The following AKAP8 variants were observed in gnomAD, a reference collection of about 807,000 sequenced individuals.
AKAP8 encodes A-kinase anchoring protein 8, also known as A-kinase anchor protein 8.
In AKAP8, 24 loss-of-function variants were observed where a neutral mutation model predicts 67.5. The observed-to-expected ratio is 0.36, with a 90% confidence interval of 0.26 to 0.50. The LOEUF (loss-of-function observed/expected upper bound fraction) is 0.50, where lower values mean the gene tolerates loss of function less well. AKAP8 is among the 20% of genes least tolerant of loss of function. The probability of loss-of-function intolerance (pLI) is 0.97; values close to 1 mark genes in which losing one functional copy is unlikely to be tolerated. For synonymous variants in AKAP8, 400 were observed against 371.1 expected, an observed-to-expected ratio of 1.08 and a Z score of -0.90; for missense variants, 971 against 955.9, an observed-to-expected ratio of 1.02 and a Z score of -0.21.
chr19:15,377,394 C>T (rs1967271428), intron 1 of AKAP8, among the ~76,000 whole-genome samples: 1 of 152,236 alleles, frequency 6.6e-6, no homozygotes, highest in Non-Finnish European at 1.5e-5. Flanking sequence ...AGAGTGCCAT[C>T]ACAAGTACTT....
In AKAP8 at chr19:15,362,146, G is replaced by A. The variant is rs750125258; in HGVS notation, c.1266C>T (p.Ser422=). ...CCACGGTCTTGTCGGGCAGCTTGGT[G>A]CTTATGAACCGCAGGGTCTCTTTGT... ...KFHKETLRFI[S]TKLPDKTVEF... Residue 422 remains serine, a synonymous_variant, in exon 10 of 14, where the codon AGC becomes AGT. Transcript: ENST00000269701. 6.2e-7 allele frequency: 1 copy of A among 1,614,104 alleles called. No homozygotes were observed. Among genetic ancestry groups the A allele is most frequent in the South Asian group, 1.1e-5 (1 of 91,078 alleles).
intron 5 of AKAP8, 49 bp from the exon 6 acceptor site, chr19:15,372,396 A>G (rs1254328749): frequency 2.5e-6 from 4 of 1,600,338 alleles, no homozygotes; most frequent in Non-Finnish European, 3.4e-6. Flanking sequence ...GGCCATGAAG[A>G]TGCCCCACAG....
intron 9 of AKAP8, among the ~76,000 whole-genome samples, chr19:15,365,750 C>T (rs367639033): frequency 4.6e-5 from 7 of 152,102 alleles, no homozygotes; most frequent in Non-Finnish European, 8.8e-5. Flanking sequence ...TGGCCAGGCG[C>T]GGTGGTTCAT....
intron 12 of AKAP8, among the ~76,000 whole-genome samples, chr19:15,359,811 T>C (rs1966936251): frequency 6.6e-6 from 1 of 152,024 alleles, no homozygotes; most frequent in Non-Finnish European, 1.5e-5. Flanking sequence ...AATGGTCCCT[T>C]GTTTGTATAC....
chr19:15,373,804 C>A lies in AKAP8; in HGVS notation c.353G>T (p.Gly118Val). ...TAATCACCTCTCCCGGTCCTGTATG[C>A]CCTCCCCACCGCCGCCGCTCCCGCC... ...GRGGSGGGGE[G>V]IQDRESSFRF... is the part of the protein sequence containing the mutation. Residue 118 changes from glycine to valine, a missense_variant, in exon 4 of 14, where the codon GGC (glycine) becomes GTC (valine). Physicochemically the swap from Gly to Val is moderately radical, Grantham distance 109. This residue lies in a region of AKAP8 where 763 missense variants were observed against 745.4 expected (regional missense o/e 1.02). Transcript: ENST00000269701. 1.2e-6 allele frequency: 2 copies of A among 1,609,730 alleles called. No individual in the cohort carries two copies. Among genetic ancestry groups the A allele is most frequent in the East Asian group, 2.2e-5 (1 of 44,862 alleles).
chr19:15,377,994 A>G (rs1487453346), intron 1 of AKAP8, among the ~76,000 whole-genome samples: 2 of 152,092 alleles, frequency 1.3e-5, no homozygotes, highest in East Asian at 3.9e-4. Context: ...ATGCCTGTTA[A>G]ATGACTTCAC....
chr19:15,369,197 C>T lies in AKAP8; in HGVS notation c.1073-875G>A. On this transcript the variant is annotated intron_variant, in intron 8 of 13. Coordinates refer to ENST00000269701, the MANE Select transcript of AKAP8 (RefSeq NM_005858.4). The surrounding 1 kb of genome is among the most constrained non-coding windows in gnomAD (Gnocchi z 4.6). ...TGAAACTATGACTGCTGTTTAATAG[C>T]AAAGTCATCCCGGGTAGGTAGCAGG... The T allele has an allele frequency of 1.0e-6, 1 of 985,518 alleles. No homozygotes were observed. Among genetic ancestry groups the T allele is most frequent in the Non-Finnish European group, 1.2e-6 (1 of 829,978 alleles). The allele number at this position is 985,518 out of a possible 1,614,324, so 61.0% of individuals were successfully genotyped here.
At chr19:15,362,903 A>G (rs1966996152) in intron 9 of AKAP8, among the ~76,000 whole-genome samples, 1 of 143,708 alleles carries the variant, frequency 7.0e-6, no homozygotes, top group African/African-American at 2.6e-5. Context: ...CATCCCATCT[A>G]GGAAGTGAGG....
chr19:15,364,341 T>G (rs1264377795), intron 9 of AKAP8, among the ~76,000 whole-genome samples: 2 of 149,802 alleles, frequency 1.3e-5, no homozygotes, highest in Non-Finnish European at 3.0e-5. Context: ...TTTTGTATTT[T>G]TATTTTATTT....
intron 1 of AKAP8, chr19:15,379,320 C>A (rs993567543): frequency 4.5e-6 from 1 of 223,472 alleles, no homozygotes; most frequent in Non-Finnish European, 8.7e-6. Flanking sequence ...CTCCGCCCCC[C>A]TAGCGCCGCC....
At chr19:15,357,852 A>G (rs1334415916) in intron 13 of AKAP8, among the ~76,000 whole-genome samples, 5 of 150,626 alleles carry the variant, frequency 3.3e-5, no homozygotes, top group African/African-American at 4.9e-5. Context: ...TGGCTAATTT[A>G]TGTATTTTTT....
At chr19:15,366,255 T>A (rs917194178) in intron 9 of AKAP8, among the ~76,000 whole-genome samples, 1 of 151,044 alleles carries the variant, frequency 6.6e-6, no homozygotes, top group African/African-American at 2.4e-5. Flanking sequence ...TTGAGGCTAG[T>A]TCAACAGCCC....
At chr19:15,361,868 C>T in intron 10 of AKAP8, 46 bp from the exon 11 acceptor site, 1 of 1,554,560 alleles carries the variant, frequency 6.4e-7, no homozygotes, top group Non-Finnish European at 8.9e-7. Flanking sequence ...GAGGTGGGCG[C>T]ATGTGGGCAT....
In AKAP8 at chr19:15,369,263, T is replaced by C. The variant is rs1967116075; in HGVS notation, c.1072+883A>G. On this transcript the variant is annotated intron_variant, in intron 8 of 13. Transcript: ENST00000269701. The surrounding 1 kb of genome is among the most constrained non-coding windows in gnomAD (Gnocchi z 4.6). ...ACATGTCACCTTTGCTTTAGCATTG[T>C]GCCGCTAAGCGCTCGGGGCGCCCCG... 2.0e-6 allele frequency: 2 copies of C among 985,488 alleles called. No homozygotes were observed. Among genetic ancestry groups the C allele is most frequent in the Non-Finnish European group, 2.4e-6 (2 of 829,972 alleles). The allele number at this position is 985,488 out of a possible 1,614,324, so 61.0% of individuals were successfully genotyped here.
At chr19:15,361,962 C>A in intron 10 of AKAP8, 140 bp from the exon 11 acceptor site, 1 of 1,363,572 alleles carries the variant, frequency 7.3e-7, no homozygotes, top group South Asian at 1.4e-5. Flanking sequence ...TCCCGGTTGT[C>A]CCTGTGACTC....
chr19:15,355,029 T>C lies in AKAP8; in HGVS notation c.1965A>G (p.Thr655=). ...EAAEAGNGAE[T]MAAEAESAQT... Reference sequence around the variant, plus strand: ...GGGCACTTTCTGCCTCTGCTGCCATTGTCTCGGCGCCATTTCCAGCCTCTG... The same window carrying C: ...GGGCACTTTCTGCCTCTGCTGCCATCGTCTCGGCGCCATTTCCAGCCTCTG... The change falls in exon 14 of 14, where the codon ACA becomes ACG. Residue 655 remains threonine (T), a synonymous_variant. Coordinates refer to ENST00000269701, the MANE Select transcript of AKAP8 (RefSeq NM_005858.4). 4.3e-6 allele frequency: 7 copies of C among 1,614,146 alleles called. No homozygotes were observed. The highest frequency in any genetic ancestry group is 5.9e-6 in the Non-Finnish European group (7 of 1,180,036).
rs781056958 is a variant in AKAP8 at position 15,373,161 on chromosome 19, T to A, written c.551A>T (p.Asp184Val). 13 of 1,613,298 alleles carry A rather than the reference T, an allele frequency of 8.1e-6. No homozygotes were observed. In the Admixed American group the frequency reaches 2.0e-4, roughly 25 times the overall value. ...CTGGCCCCGGCCCCGCATGAAGCCA[T>A]CAAGGGAGCCCCGCTCCCGGGCTGG... is the stretch of plus-strand genomic sequence containing the variant. The part of the protein sequence containing the change: ...RDPARERGSL[D>V]GFMRGRGQGR... The change falls in exon 5 of 14, where the codon GAT becomes GTT. Residue 184 changes from aspartate to valine, a missense_variant. Physicochemically the swap from Asp to Val is radical, Grantham distance 152. Coordinates refer to ENST00000269701, the MANE Select transcript of AKAP8 (RefSeq NM_005858.4).
At chr19:15,372,146 GGCAA>G (rs1486394004) in intron 6 of AKAP8, 68 bp downstream of exon 6, 1 of 1,608,454 alleles carries the variant, frequency 6.2e-7, no homozygotes, top group African/African-American at 1.3e-5. Context: ...ACACAGATGG[GGCAA>G]GCAGAGCCCC....
Position 15,361,741 on chromosome 19 carries a change from C to T in AKAP8, c.1384G>A (p.Asp462Asn), listed in dbSNP as rs1966970079. The change falls in exon 11 of 14, where the codon GAT becomes AAT. Residue 462 changes from aspartate to asparagine, a missense_variant. Physicochemically the swap from Asp to Asn is conservative, Grantham distance 23. Transcript: ENST00000269701. The stretch of plus-strand genomic sequence containing the variant: ...GATGACAACTCACCTTTGAAAGGAT[C>T]TGGTTTTGGTTTTGCGGTTTCTTTC... ...MEKETAKPKP[D>N]PFKGIGQEHF... The T allele has an allele frequency of 3.1e-6, 5 of 1,612,736 alleles. No homozygotes were observed. Among genetic ancestry groups the T allele is most frequent in the Non-Finnish European group, 3.4e-6 (4 of 1,178,702 alleles).
Sources: gnomAD v4.1 joint callset for allele counts (sites outside exome capture counted in the v4.1 genomes callset) on GRCh38, gnomAD v4.1.1 for gene constraint, gnomAD v4.1.1 regional missense constraint, Gnocchi (gnomAD v3.1) non-coding constraint, MANE v1.5 for transcripts, NCBI Gene and HGNC (gene_info 2026-07-23, HGNC 2026-07-21) for gene names.